The following SCNN1D variants were observed in gnomAD, a reference collection of about 807,000 sequenced individuals.
The protein encoded by SCNN1D is sodium channel epithelial 1 subunit delta.
A neutral mutation model predicts 87.8 loss-of-function variants in SCNN1D; 104 were observed. The observed-to-expected ratio is 1.18, with a 90% CI of 1.01 to 1.39. SCNN1D has a LOEUF of 1.39. SCNN1D is among the 40% of genes most tolerant of loss of function. The probability of loss-of-function intolerance (pLI) is 0.00; values close to 1 mark genes in which losing one functional copy is unlikely to be tolerated. For missense variants in SCNN1D, 1,324 were observed against 1,093.9 expected, an observed-to-expected ratio of 1.21 and a Z score of -2.97; for synonymous variants, 628 against 481.2, an observed-to-expected ratio of 1.31 and a Z score of -3.99.
Position 1,287,205 on chromosome 1 carries a change from G to A in SCNN1D, c.1216G>A (p.Ala406Thr). ...CCACTTCCACTATGTGGATATCCTG[G>A]CCCTGCTGCCCGCGGCATGGGAGGA... ...WYHFHYVDILALLPAAWEDSH... is the reference protein window; with the variant it reads ...WYHFHYVDILTLLPAAWEDSH... The change falls in exon 9 of 18, where the codon GCC becomes ACC. Residue 406 changes from alanine (A) to threonine (T), a missense_variant. Transcript: ENST00000379116. 1 of 1,612,156 alleles carries A rather than the reference G, an allele frequency of 6.2e-7. No individual in the cohort carries two copies. The highest frequency in any genetic ancestry group is 8.5e-7 in the Non-Finnish European group (1 of 1,179,664).
rs936770216 is a variant in SCNN1D, at chr1:1,281,276, G to A, written c.56G>A (p.Gly19Asp). The change falls in exon 2 of 18, where the codon GGC (glycine) becomes GAC (aspartate). Residue 19 changes from glycine (G) to aspartate (D), a missense_variant. Physicochemically the swap from Gly to Asp is moderately conservative, Grantham distance 94. Transcript: ENST00000379116. ...CCGCTCCCTCGTTACCTGTGGCCCG[G>A]CCACCTCAGCGGCCCAAGGAGGTGA... Reference protein sequence around the residue: ...TTPLPRYLWPGHLSGPRRLTW... With the variant: ...TTPLPRYLWPDHLSGPRRLTW... 3 of 1,535,714 alleles carry A rather than the reference G, an allele frequency of 2.0e-6. No homozygotes were observed. Among genetic ancestry groups the A allele is most frequent in the African/African-American group, 2.7e-5 (2 of 73,050 alleles).
Position 1,287,677 on chromosome 1 carries a change from C to T in SCNN1D, c.1404C>T (p.Val468=), listed in dbSNP as rs145322650. ...CACCAGCCCTTGGCCTCCCAGGAGTCGGCCTGGTCCTCAGGGTTGAGCAGC... is the reference window on the plus strand; with the variant it reads ...CACCAGCCCTTGGCCTCCCAGGAGTTGGCCTGGTCCTCAGGGTTGAGCAGC... The part of the protein sequence containing the change: ...TAQRPGITHG[V]GLVLRVEQQP... Residue 468 remains valine (V), a synonymous_variant, in exon 11 of 18, where the codon GTC becomes GTT. Coordinates refer to ENST00000379116, the MANE Select transcript of SCNN1D (RefSeq NM_001130413.4). The T allele has an allele frequency of 3.1e-4, 503 of 1,611,620 alleles. No homozygotes were observed. The highest frequency in any genetic ancestry group is 6.6e-4 in the Middle Eastern group (4 of 6,056).
At chr1:1,287,473 G>T (rs763862348) in intron 9 of SCNN1D, 35 bp from the exon 10 acceptor site, 7 of 1,511,094 alleles carry the variant, frequency 4.6e-6, no homozygotes, top group South Asian at 1.3e-5. Flanking sequence ...GCGGGCAGCC[G>T]ACATTCAAGG....
rs374617940 is a variant in SCNN1D, at chr1:1,287,156, C to T, written c.1167C>T (p.Gly389=). 114 of 1,608,478 alleles carry T rather than the reference C, an allele frequency of 7.1e-5. 1 individual carries two copies. The highest frequency in any genetic ancestry group is 8.6e-5 in the Non-Finnish European group (101 of 1,176,738). Residue 389 remains glycine (G), a synonymous_variant, in exon 9 of 18, where the codon GGC becomes GGT. Transcript: ENST00000379116. ...GDCFYRGYTS[G]VAAVQDWYHF... ...GCTTTTACCGAGGCTACACGTCAGGCGTGGCGGCTGTCCAGGACTGGTACC... is the reference window on the plus strand; with the variant it reads ...GCTTTTACCGAGGCTACACGTCAGGTGTGGCGGCTGTCCAGGACTGGTACC...
chr1:1,286,921 C>A lies in SCNN1D; in HGVS notation c.1065C>A (p.Ile355=), dbSNP rs766155344. Residue 355 remains isoleucine (I), a synonymous_variant, in exon 8 of 18, where the codon ATC becomes ATA. Transcript: ENST00000379116. The part of the protein sequence containing the change: ...HEPPFHLDRE[I]RLQRLSHSGS... ...CCCCCTTCCACCTGGACCGGGAGAT[C>A]CGTCTGCAGAGGCTGAGCCACTCGG... 154 of 1,612,414 alleles carry A rather than the reference C, an allele frequency of 9.6e-5. 1 individual carries two copies. Among genetic ancestry groups the A allele is most frequent in the Non-Finnish European group, 1.3e-4 (151 of 1,179,838 alleles).
Position 1,290,630 on chromosome 1 carries a change from C to T in SCNN1D, c.1860-7C>T, listed in dbSNP as rs1359139153. On this transcript the variant is annotated splice_polypyrimidine_tract_variant and splice_region_variant and intron_variant, in intron 14 of 17. Coordinates refer to ENST00000379116, the MANE Select transcript of SCNN1D (RefSeq NM_001130413.4). ...CGTGGCAGGTGACACCCGGCTGTCT[C>T]TTCCAGGGAGTCTGCATTCAAGCTC... 2.5e-6 allele frequency: 4 copies of T among 1,612,552 alleles called. No homozygotes were observed. The highest frequency in any genetic ancestry group is 2.2e-5 in the East Asian group (1 of 44,898).
Position 1,290,291 on chromosome 1 carries a change from C to A in SCNN1D, c.1683C>A (p.Phe561Leu). 1 of 1,574,562 alleles carries A rather than the reference C, an allele frequency of 6.4e-7. No individual in the cohort carries two copies. Among genetic ancestry groups the A allele is most frequent in the Non-Finnish European group, 8.6e-7 (1 of 1,158,448 alleles). Residue 561 changes from phenylalanine (F) to leucine (L), a missense_variant, in exon 13 of 18, where the codon TTC becomes TTA. Coordinates refer to ENST00000379116, the MANE Select transcript of SCNN1D (RefSeq NM_001130413.4). ...CCCAGGCCTGCCTGGTGTCCTGCTT[C>A]CAGCAGCTGATGGTGGAGACCTGCT... ...YTRQACLVSC[F>L]QQLMVETCSC...
chr1:1,290,849 C>G, intron 15 of SCNN1D, 46 bp from the exon 16 acceptor site: 1 of 1,601,942 alleles, frequency 6.2e-7, no homozygotes, highest in Non-Finnish European at 8.5e-7. Context: ...CCAGGATGGC[C>G]GGGGGCATGG....
chr1:1,290,834 G>T, intron 15 of SCNN1D, 61 bp from the exon 16 acceptor site: 1 of 1,593,962 alleles, frequency 6.3e-7, no homozygotes, highest in Non-Finnish European at 8.6e-7. Context: ...ATCCGCCCGT[G>T]GTACCCAGGA....
intron 8 of SCNN1D, 39 bp from the exon 9 acceptor site, chr1:1,287,070 G>A (rs1052312775): frequency 3.8e-6 from 6 of 1,578,860 alleles, no homozygotes; most frequent in Non-Finnish European, 2.6e-6. Context: ...CGGGGCCTGG[G>A]CTGTAGCCAC....
chr1:1,289,922 C>T (rs866489501), intron 12 of SCNN1D, among the ~76,000 whole-genome samples: 76 of 38,474 alleles, frequency 2.0e-3, no homozygotes, highest in Non-Finnish European at 2.7e-3. Flanking sequence ...GTGTCTCTGC[C>T]CCGTCCCCCG....
chr1:1,284,612 C>T (rs988248372), intron 5 of SCNN1D, among the ~76,000 whole-genome samples: 6 of 144,262 alleles, frequency 4.2e-5, no homozygotes, highest in East Asian at 4.2e-4. Context: ...CGGGGGGTGC[C>T]GAGCGTGTGC....
At position 1,285,931 on chromosome 1, in the gene SCNN1D, A is replaced by G. The variant is rs1293226471; in HGVS notation, c.564A>G (p.Ala188=). The G allele has an allele frequency of 3.2e-6, 5 of 1,546,174 alleles. No individual in the cohort carries two copies. The highest frequency in any genetic ancestry group is 3.5e-6 in the Non-Finnish European group (4 of 1,144,350). Residue 188 remains alanine, a synonymous_variant, in exon 7 of 18, where the codon GCA becomes GCG. Transcript: ENST00000379116. ...TGAGGCCACTCTGCACACAGGCTGC[A>G]GCCCAGACGCCCCCCAGGCCGGGGC... ...HNAACKQGQA[A]AQTPPRPGPP...
chr1:1,286,867 C>T lies in SCNN1D; in HGVS notation c.1011C>T (p.Ala337=). 1 of 1,612,606 alleles carries T rather than the reference C, an allele frequency of 6.2e-7. No individual in the cohort carries two copies. Among genetic ancestry groups the T allele is most frequent in the East Asian group, 2.2e-5 (1 of 44,868 alleles). The change falls in exon 8 of 18, where the codon GCC becomes GCT. Residue 337 remains alanine (A), a synonymous_variant. Transcript: ENST00000379116. ...YNVNLSKGRA[A]LSATVPRHEP... ...TCAACCTCAGCAAAGGCAGAGCCGC[C>T]CTCTCCGCCACTGTCCCCCGCCACG... is the stretch of plus-strand genomic sequence containing the variant.
chr1:1,283,764 C>T (rs1297578137), intron 4 of SCNN1D, among the ~76,000 whole-genome samples: 1 of 151,856 alleles, frequency 6.6e-6, no homozygotes, highest in South Asian at 2.1e-4. Context: ...CCTCCCCCTC[C>T]CTCCACAGGC....
chr1:1,281,714 C>T, intron 3 of SCNN1D, 104 bp downstream of exon 3: 1 of 1,073,176 alleles, frequency 9.3e-7, no homozygotes, highest in Non-Finnish European at 1.3e-6. Flanking sequence ...TGAGGCCCTG[C>T]AGGGCATACG....
chr1:1,286,316 C>A, intron 7 of SCNN1D, 38 bp downstream of exon 7: 1 of 1,451,144 alleles, frequency 6.9e-7, no homozygotes, highest in African/African-American at 1.4e-5. Flanking sequence ...GGTGGCCGCC[C>A]CAGCTCCTTG....
Position 1,290,523 on chromosome 1 carries a change from C to A in SCNN1D, c.1827C>A (p.Leu609=), listed in dbSNP as rs1017625925. 1 of 1,612,716 alleles carries A rather than the reference C, an allele frequency of 6.2e-7. No individual in the cohort carries two copies. The highest frequency in any genetic ancestry group is 8.5e-7 in the Non-Finnish European group (1 of 1,179,938). The change falls in exon 14 of 18, where the codon CTC becomes CTA. Residue 609 remains leucine, a synonymous_variant. Transcript: ENST00000379116. ...ACCAGGACCTGGAGACCCACCGGCT[C>A]CCCTGTACCTCCCGCTGCCCCAGGC... ...RLYQDLETHR[L]PCTSRCPRPC... is the part of the protein sequence containing the mutation.
Position 1,288,049 on chromosome 1 carries a change from C to T in SCNN1D, c.1662+12C>T, listed in dbSNP as rs13306646. ...CCTACACCAGGCAGGTGAGGCTGGG[C>T]TGGCAGGGGGTGCGGGGGCAGGTGA... On this transcript the variant is annotated intron_variant, in intron 12 of 17. Coordinates refer to ENST00000379116, the MANE Select transcript of SCNN1D (RefSeq NM_001130413.4). The T allele has an allele frequency of 3.2e-4, 408 of 1,279,422 alleles. 3 individuals carry two copies. The East Asian group carries it at 0.013, about 40-fold the overall frequency. The allele number at this position is 1,279,422 out of a possible 1,614,324, so 79.3% of individuals were successfully genotyped here. A position where few individuals can be genotyped will look rare whatever the true frequency, so the allele number is the denominator to read the frequency against.
Sources: allele counts gnomAD v4.1 joint callset (sites outside exome capture counted in the v4.1 genomes callset), GRCh38; gene constraint gnomAD v4.1.1; transcripts MANE v1.5; gene names NCBI Gene and HGNC (gene_info 2026-07-23, HGNC 2026-07-21).